CDKN2B-AS1: variants seen among roughly 807,000 people sequenced by gnomAD.
The protein encoded by CDKN2B-AS1 is CDKN2B and CDKN2A antisense cis and trans regulatory RNA 1.
chr9:22,070,570 AAGGAAGGATAGGGCGTCCTGGGCAG>A (rs1476674334), intron 4 of CDKN2B-AS1, among the ~76,000 whole-genome samples: 1 of 152,138 alleles, frequency 6.6e-6, no homozygotes, highest in Non-Finnish European at 1.5e-5. Context: ...ACAAAGAGAC[AAGGAAGGATAGGGCGTCCTGGGCAG>A]AGGAAGGAGT....
intron 4 of CDKN2B-AS1, among the ~76,000 whole-genome samples, chr9:22,065,263 T>C (rs1207967402): frequency 6.6e-6 from 1 of 152,180 alleles, no homozygotes; most frequent in Admixed American, 6.5e-5. Context: ...CAGGTTCCTC[T>C]TTCCAGTCTT....
rs567535388 is a variant in CDKN2B-AS1 at position 22,059,773 on chromosome 9, A to C, written n.438+3386A>C. The stretch of plus-strand genomic sequence containing the variant: ...TTTGCCTGGGCATTCAGGCATTTCC[A>C]TACATCTTCTGAAATCTAAGTGGAG... On this transcript the variant is annotated intron_variant and non_coding_transcript_variant, in intron 4 of 4. Transcript: ENST00000650946. Among the ~76,000 whole-genome samples the C allele has an allele frequency of 1.1e-4, 17 of 152,322 alleles. No homozygotes were observed. The South Asian group carries it at 3.5e-3, about 32-fold the overall frequency.
At chr9:22,076,789 C>G (rs1283284417) in intron 4 of CDKN2B-AS1, among the ~76,000 whole-genome samples, 1 of 152,164 alleles carries the variant, frequency 6.6e-6, no homozygotes, top group African/African-American at 2.4e-5. Context: ...ACCTCCCAGG[C>G]TCAAGCAATC....
At chr9:22,050,536 A>T (rs2131280560) in intron 3 of CDKN2B-AS1, among the ~76,000 whole-genome samples, 1 of 152,324 alleles carries the variant, frequency 6.6e-6, no homozygotes, top group African/African-American at 2.4e-5. Context: ...TGACAACAGG[A>T]ATTGCTGTCA....
At chr9:22,079,359 G>A (rs182716159) in intron 4 of CDKN2B-AS1, among the ~76,000 whole-genome samples, 42 of 152,188 alleles carry the variant, frequency 2.8e-4, no homozygotes, top group Non-Finnish European at 4.6e-4. Flanking sequence ...GTGGTGGCAC[G>A]TGCCTGTAGT....
intron 1 of CDKN2B-AS1, among the ~76,000 whole-genome samples, chr9:22,010,406 G>C (rs1416262206): frequency 1.3e-5 from 2 of 152,190 alleles, no homozygotes; most frequent in Non-Finnish European, 2.9e-5. Flanking sequence ...TCTCCTAAAA[G>C]TGAACAATTT....
chr9:22,060,441 A>C (rs1393614626), intron 4 of CDKN2B-AS1, among the ~76,000 whole-genome samples: 6 of 152,132 alleles, frequency 3.9e-5, no homozygotes, highest in Non-Finnish European at 5.9e-5. Flanking sequence ...ATCTGAGACC[A>C]CCTCAGCCTG....
chr9:22,074,643 AG>A (rs1202274959), intron 4 of CDKN2B-AS1, among the ~76,000 whole-genome samples: 1 of 152,212 alleles, frequency 6.6e-6, no homozygotes, highest in East Asian at 1.9e-4. Context: ...CTGAGAGTAG[AG>A]TGGGCTGGGG....
intron 1 of CDKN2B-AS1, among the ~76,000 whole-genome samples, chr9:22,026,173 C>T (rs1481955827): frequency 6.6e-6 from 1 of 151,784 alleles, no homozygotes; most frequent in Non-Finnish European, 1.5e-5. Context: ...CCTGCTTAAG[C>T]TCCCCAAAGC....
intron 4 of CDKN2B-AS1, chr9:22,113,695 A>T (rs1291721984): frequency 1.3e-5 from 2 of 152,190 alleles, no homozygotes. Context: ...GATCAAATGC[A>T]ATAGCATGTC....
intron 4 of CDKN2B-AS1, among the ~76,000 whole-genome samples, chr9:22,079,624 G>T (rs2131327694): frequency 6.6e-6 from 1 of 152,226 alleles, no homozygotes; most frequent in South Asian, 2.1e-4. Context: ...AATGTTTGGG[G>T]CTCCTCAATA....
intron 1 of CDKN2B-AS1, among the ~76,000 whole-genome samples, chr9:22,017,516 T>A (rs570584891): frequency 1.3e-5 from 2 of 152,324 alleles, no homozygotes; most frequent in East Asian, 3.9e-4. Context: ...ATTTATTTAT[T>A]CATTTTATCA....
At chr9:22,053,831 G>C (rs889362949) in intron 3 of CDKN2B-AS1, among the ~76,000 whole-genome samples, 1 of 152,040 alleles carries the variant, frequency 6.6e-6, no homozygotes, top group Non-Finnish European at 1.5e-5. Flanking sequence ...ATGTCTTGTA[G>C]ACCGTCACTA....
intron 4 of CDKN2B-AS1, among the ~76,000 whole-genome samples, chr9:22,104,060 TTCTC>T (rs1375291971): frequency 6.6e-6 from 1 of 152,178 alleles, no homozygotes; most frequent in Non-Finnish European, 1.5e-5. Context: ...CTTTAATAAT[TTCTC>T]TCAATTTTTT....
rs1242157981 is a variant in CDKN2B-AS1, at chr9:22,005,866, G to A, written n.29+10705G>A. On this transcript the variant is annotated intron_variant and non_coding_transcript_variant, in intron 1 of 4. Transcript: ENST00000650946. This position sits in a 1 kb window ranked among gnomAD's most constrained non-coding sequence, Gnocchi z 4.9. ...TCCTCCTTCCTGTGAGTCTCAGACAGGCTTGCAGGCTTACAGGCTTTCCGC... is the reference window on the plus strand; with the variant it reads ...TCCTCCTTCCTGTGAGTCTCAGACAAGCTTGCAGGCTTACAGGCTTTCCGC... 3 of 1,348,138 alleles carry A rather than the reference G, an allele frequency of 2.2e-6. No homozygotes were observed. Among genetic ancestry groups the A allele is most frequent in the Non-Finnish European group, 3.1e-6 (3 of 978,560 alleles). The allele number at this position is 1,348,138 out of a possible 1,614,324, so 83.5% of individuals were successfully genotyped here.
chr9:22,108,784 AC>A (rs1825727240), intron 4 of CDKN2B-AS1, among the ~76,000 whole-genome samples: 1 of 152,172 alleles, frequency 6.6e-6, no homozygotes, highest in African/African-American at 2.4e-5. Flanking sequence ...ATGAGGTCAT[AC>A]TTTCTTGTTT....
exon 5 of CDKN2B-AS1, among the ~76,000 whole-genome samples, chr9:22,127,793 A>C (rs1298685792): frequency 6.6e-6 from 1 of 152,226 alleles, no homozygotes; most frequent in African/African-American, 2.4e-5. Flanking sequence ...TGTAGAACTC[A>C]CTTCAGACTG....
chr9:22,005,092 G>A lies in CDKN2B-AS1; in HGVS notation n.29+9931G>A, dbSNP rs1201603040. 2 of 230,032 alleles carry A rather than the reference G, an allele frequency of 8.7e-6. No homozygotes were observed. Among genetic ancestry groups the A allele is most frequent in the African/African-American group, 2.3e-5 (1 of 44,128 alleles). The allele number at this position is 230,032 out of a possible 1,614,324, so 14.2% of individuals were successfully genotyped here. ...AAAATCAAAAAGTAGCAAGTCATAA[G>A]GGGATTTCCGCATCCTAGCATGTGT... On this transcript the variant is annotated intron_variant and non_coding_transcript_variant, in intron 1 of 4. Coordinates refer to ENST00000650946, the Ensembl canonical transcript of CDKN2B-AS1. This position sits in a 1 kb window ranked among gnomAD's most constrained non-coding sequence, Gnocchi z 4.9.
intron 4 of CDKN2B-AS1, among the ~76,000 whole-genome samples, chr9:22,094,717 A>AT (rs1825214936): frequency 7.0e-6 from 1 of 142,942 alleles, no homozygotes; most frequent in Non-Finnish European, 1.5e-5. Context: ...CATTTGTCTA[A>AT]TTTTTTTTCA....
Sources: allele counts gnomAD v4.1 joint callset (sites outside exome capture counted in the v4.1 genomes callset), GRCh38; gene constraint gnomAD v4.1.1; non-coding constraint Gnocchi (gnomAD v3.1); transcripts MANE v1.5; gene names NCBI Gene and HGNC (gene_info 2026-07-23, HGNC 2026-07-21).